WDR70: variants seen among roughly 807,000 people sequenced by gnomAD.
The protein encoded by WDR70 is WD repeat domain 70.
In WDR70, 53 loss-of-function variants were observed where a neutral mutation model predicts 88.6. The ratio of observed to expected loss-of-function variants is 0.60; its 90% CI spans 0.48 to 0.75. WDR70 has a LOEUF of 0.75. Among genes scored for constraint, WDR70 ranks in the 30% least tolerant of loss-of-function variants. The pLI is 0.00. For synonymous variants in WDR70, 280 were observed against 270.0 expected, an observed-to-expected ratio of 1.04 and a Z score of -0.36; for missense variants, 610 against 823.2, an observed-to-expected ratio of 0.74 and a Z score of 3.17.
chr5:37,533,312 C>CG (rs1561891714), intron 9 of WDR70, among the ~76,000 whole-genome samples: 1 of 152,194 alleles, frequency 6.6e-6, no homozygotes, highest in Non-Finnish European at 1.5e-5. Flanking sequence ...ACTTGCCCTA[C>CG]GGGCTGGGCA....
At chr5:37,522,427 C>T (rs76807941) in intron 9 of WDR70, among the ~76,000 whole-genome samples, 26,536 of 146,558 alleles carry the variant, frequency 0.18, 2,612 homozygotes, top group South Asian at 0.26. Context: ...GCTAAGATCG[C>T]GCCACTGCAT....
intron 10 of WDR70, among the ~76,000 whole-genome samples, chr5:37,665,608 T>A (rs1745817306): frequency 1.3e-5 from 2 of 152,180 alleles, no homozygotes; most frequent in Non-Finnish European, 2.9e-5. Flanking sequence ...TAAAAATCAG[T>A]CAAAAATTTG....
chr5:37,528,553 C>T (rs1167991127), intron 9 of WDR70, among the ~76,000 whole-genome samples: 3 of 152,078 alleles, frequency 2.0e-5, no homozygotes, highest in African/African-American at 7.2e-5. Context: ...GGGTGGAGCA[C>T]ACCAACATGG....
At chr5:37,572,830 TCC>T (rs1222269162) in intron 9 of WDR70, among the ~76,000 whole-genome samples, 1 of 152,174 alleles carries the variant, frequency 6.6e-6, no homozygotes, top group Non-Finnish European at 1.5e-5. Context: ...GTCATGTAAC[TCC>T]CCAACTTAAA....
intron 9 of WDR70, among the ~76,000 whole-genome samples, chr5:37,592,166 T>G (rs576414962): frequency 6.6e-6 from 1 of 152,216 alleles, no homozygotes; most frequent in South Asian, 2.1e-4. Flanking sequence ...TGTCTTGAGA[T>G]GGGACCCAAG....
At chr5:37,741,696 G>A (rs528783161) in intron 17 of WDR70, among the ~76,000 whole-genome samples, 1 of 152,296 alleles carries the variant, frequency 6.6e-6, no homozygotes, top group East Asian at 1.9e-4. Flanking sequence ...GGGCAGCTCA[G>A]TTCCTAACAG....
intron 13 of WDR70, among the ~76,000 whole-genome samples, chr5:37,705,291 G>A (rs1198068472): frequency 6.6e-6 from 1 of 152,086 alleles, no homozygotes; most frequent in Non-Finnish European, 1.5e-5. Flanking sequence ...AGAAAAATGA[G>A]CCCTAAGAAA....
chr5:37,423,373 AAG>A (rs1554138584), intron 5 of WDR70, among the ~76,000 whole-genome samples: 2 of 151,126 alleles, frequency 1.3e-5, no homozygotes, highest in African/African-American at 4.9e-5. Context: ...AAAAAAAAAA[AAG>A]AAGAAAAGGA....
At chr5:37,522,875 G>A (rs900801345) in intron 9 of WDR70, among the ~76,000 whole-genome samples, 2 of 152,200 alleles carry the variant, frequency 1.3e-5, no homozygotes, top group African/African-American at 4.8e-5. Context: ...ACGGAGCCTC[G>A]CTCATTGCTA....
At chr5:37,526,667 C>T (rs1008246740) in intron 9 of WDR70, among the ~76,000 whole-genome samples, 8 of 152,062 alleles carry the variant, frequency 5.3e-5, no homozygotes, top group South Asian at 4.1e-4. Flanking sequence ...ACAGGGTATT[C>T]AATTAGAAAA....
At chr5:37,748,918 C>T (rs181868459) in intron 17 of WDR70, among the ~76,000 whole-genome samples, 14 of 152,262 alleles carry the variant, frequency 9.2e-5, no homozygotes, top group East Asian at 7.7e-4. Context: ...TACCACCTCA[C>T]GCCAGTGAGA....
chr5:37,559,406 T>A (rs1196646484), intron 9 of WDR70, among the ~76,000 whole-genome samples: 1 of 152,192 alleles, frequency 6.6e-6, no homozygotes, highest in African/African-American at 2.4e-5. Context: ...TTTTCCTCTC[T>A]CATGCTTTTT....
chr5:37,521,036 G>A (rs570553493), intron 9 of WDR70, among the ~76,000 whole-genome samples: 5 of 152,152 alleles, frequency 3.3e-5, no homozygotes, highest in Non-Finnish European at 7.4e-5. Flanking sequence ...GGCTATTCTG[G>A]TTAAAACTTA....
intron 17 of WDR70, among the ~76,000 whole-genome samples, chr5:37,734,060 AATTTTT>A: frequency 6.6e-6 from 1 of 152,126 alleles, no homozygotes; most frequent in Non-Finnish European, 1.5e-5. Flanking sequence ...TATTTTAAAT[AATTTTT>A]ATTCACTTAG....
chr5:37,710,253 G>A (rs1210324069), intron 13 of WDR70, among the ~76,000 whole-genome samples: 1 of 151,856 alleles, frequency 6.6e-6, no homozygotes, highest in Admixed American at 6.6e-5. Flanking sequence ...ACGGTTCTGT[G>A]GTTTTTAACA....
chr5:37,619,636 C>A lies in WDR70; in HGVS notation c.1092+14398C>A, dbSNP rs556962738. 5.3e-5 allele frequency among the ~76,000 whole-genome samples: 8 copies of A among 152,310 alleles called. 1 individual carries two copies. In the South Asian group the frequency reaches 1.7e-3, roughly 32 times the overall value. On this transcript the variant is annotated intron_variant, in intron 10 of 17. Coordinates refer to ENST00000265107, the MANE Select transcript of WDR70 (RefSeq NM_018034.4). ...AACAGTTCTCTGGTCTGTGTGCATTCTCTTTTAACCTACTCTTTGATTCAT... is the reference window on the plus strand; with the variant it reads ...AACAGTTCTCTGGTCTGTGTGCATTATCTTTTAACCTACTCTTTGATTCAT...
intron 17 of WDR70, 59 bp downstream of exon 17, chr5:37,727,104 A>G: frequency 6.5e-7 from 1 of 1,543,486 alleles, no homozygotes; most frequent in South Asian, 1.3e-5. Context: ...TGGGGAGAAC[A>G]TAACAATGTT....
chr5:37,672,668 C>T (rs1263808751), intron 10 of WDR70, among the ~76,000 whole-genome samples: 5 of 152,146 alleles, frequency 3.3e-5, no homozygotes, highest in Non-Finnish European at 7.4e-5. Flanking sequence ...AGCCTGTTCT[C>T]CTGCCACATT....
chr5:37,689,227 T>G (rs996544755), intron 10 of WDR70, among the ~76,000 whole-genome samples: 40 of 152,242 alleles, frequency 2.6e-4, no homozygotes, highest in Non-Finnish European at 1.3e-4. Context: ...CAAGGCCTAC[T>G]GCCTCTATGC....
Sources: gnomAD v4.1 joint callset for allele counts (sites outside exome capture counted in the v4.1 genomes callset) on GRCh38, gnomAD v4.1.1 for gene constraint, MANE v1.5 for transcripts, NCBI Gene and HGNC (gene_info 2026-07-23, HGNC 2026-07-21) for gene names.